The following ATG10 variants were observed in gnomAD, a reference collection of about 807,000 sequenced individuals.
ATG10 encodes the protein autophagy related 10, also known as ubiquitin-like-conjugating enzyme ATG10.
In ATG10, 30 loss-of-function variants were observed where a neutral mutation model predicts 32.1. The ratio of observed to expected loss-of-function variants is 0.94; its 90% CI spans 0.70 to 1.27. The LOEUF (loss-of-function observed/expected upper bound fraction) is 1.27, where lower values mean the gene tolerates loss of function less well. ATG10 is among the 50% of genes most tolerant of loss of function. ATG10 has a pLI of 0.00. For synonymous variants in ATG10, 87 were observed against 91.5 expected (o/e 0.95, Z 0.28); for missense variants, 233 against 262.3 (o/e 0.89, Z 0.77).
At chr5:82,103,975 TGTC>T (rs1278923315) in intron 3 of ATG10, among the ~76,000 whole-genome samples, 2 of 152,192 alleles carry the variant, frequency 1.3e-5, no homozygotes, top group African/African-American at 4.8e-5. Context: ...CTTTCATGTC[TGTC>T]TTCTTTTGTT....
chr5:82,157,932 G>A (rs558343956), intron 3 of ATG10, among the ~76,000 whole-genome samples: 2 of 152,244 alleles, frequency 1.3e-5, no homozygotes, highest in South Asian at 2.1e-4. Context: ...CATTACTTAC[G>A]TTTGCTCAGT....
chr5:82,002,044 A>G (rs77105729), intron 2 of ATG10, among the ~76,000 whole-genome samples: 2 of 152,210 alleles, frequency 1.3e-5, no homozygotes, highest in Non-Finnish European at 2.9e-5. Flanking sequence ...GAAACACTCA[A>G]CATCACTAAT....
intron 3 of ATG10, among the ~76,000 whole-genome samples, chr5:82,063,580 C>T (rs1334394290): frequency 6.6e-6 from 1 of 151,784 alleles, no homozygotes; most frequent in African/African-American, 2.4e-5. Context: ...GCAACCTCTG[C>T]CTCCCAGGTT....
chr5:82,149,477 G>A (rs1767501248), intron 3 of ATG10, among the ~76,000 whole-genome samples: 1 of 151,730 alleles, frequency 6.6e-6, no homozygotes, highest in African/African-American at 2.4e-5. Flanking sequence ...ACTTTCATAT[G>A]GTTATTAACC....
intron 3 of ATG10, among the ~76,000 whole-genome samples, chr5:82,145,300 C>T (rs1767306798): frequency 6.6e-6 from 1 of 151,848 alleles, no homozygotes; most frequent in African/African-American, 2.4e-5. Flanking sequence ...TTTTCTGTTA[C>T]CTTGCTTTTT....
intron 3 of ATG10, among the ~76,000 whole-genome samples, chr5:82,122,892 A>G (rs1442316970): frequency 6.6e-6 from 1 of 152,214 alleles, no homozygotes; most frequent in Non-Finnish European, 1.5e-5. Flanking sequence ...AAAAGGGAAC[A>G]CTTATACACT....
intron 1 of ATG10, among the ~76,000 whole-genome samples, chr5:81,974,949 C>G (rs2149649250): frequency 6.6e-6 from 1 of 152,142 alleles, no homozygotes; most frequent in East Asian, 1.9e-4. Flanking sequence ...CTATATCCTC[C>G]TATAATTCAA....
At chr5:82,010,451 G>A (rs1762099091) in intron 2 of ATG10, among the ~76,000 whole-genome samples, 1 of 152,150 alleles carries the variant, frequency 6.6e-6, no homozygotes, top group Admixed American at 6.5e-5. Context: ...AACATGCTAG[G>A]TGTTCACTTT....
chr5:82,254,196 C>CCTTGG lies in ATG10; in HGVS notation c.*134_*138dup, dbSNP rs1332030705. ...CAAGATGTGACATGGATTATTTTTCCCTTGGACACAAATGTCTACAGCAAC... is the reference window on the plus strand; with the variant it reads ...CAAGATGTGACATGGATTATTTTTCCCTTGGCTTGGACACAAATGTCTACAGCAAC... On this transcript the variant is annotated 3_prime_UTR_variant, in exon 8 of 8. Coordinates refer to ENST00000282185, the MANE Select transcript of ATG10 (RefSeq NM_031482.5). 1 of 152,024 alleles carries CCTTGG rather than the reference C, an allele frequency of 6.6e-6. No homozygotes were observed. The highest frequency in any genetic ancestry group is 1.5e-5 in the Non-Finnish European group (1 of 68,004). The allele number at this position is 152,024 out of a possible 1,614,324, so 9.4% of individuals were successfully genotyped here.
At chr5:82,136,640 T>G (rs1766766050) in intron 3 of ATG10, among the ~76,000 whole-genome samples, 1 of 152,232 alleles carries the variant, frequency 6.6e-6, no homozygotes, top group Non-Finnish European at 1.5e-5. Flanking sequence ...CTGGCTGCCC[T>G]TAACATTTTT....
At chr5:82,162,861 G>A (rs1433839588) in intron 3 of ATG10, among the ~76,000 whole-genome samples, 4 of 151,662 alleles carry the variant, frequency 2.6e-5, no homozygotes, top group Non-Finnish European at 5.9e-5. Flanking sequence ...GTGTGTGTGT[G>A]TCTATGTGTG....
intron 3 of ATG10, among the ~76,000 whole-genome samples, chr5:82,161,221 T>A (rs1383687118): frequency 1.3e-5 from 2 of 152,126 alleles, no homozygotes; most frequent in Non-Finnish European, 2.9e-5. Context: ...CATGCAGAAA[T>A]GTCACTGCAT....
intron 3 of ATG10, among the ~76,000 whole-genome samples, chr5:82,125,749 C>T (rs1003389965): frequency 6.6e-6 from 1 of 151,966 alleles, no homozygotes; most frequent in South Asian, 2.1e-4. Flanking sequence ...ATTGTCTTGG[C>T]TATGAGGGCT....
At chr5:82,024,998 T>C (rs780356796) in intron 2 of ATG10, among the ~76,000 whole-genome samples, 4 of 152,198 alleles carry the variant, frequency 2.6e-5, no homozygotes, top group South Asian at 2.1e-4. Flanking sequence ...GTTGTGTACT[T>C]TTTGAAAGGT....
intron 3 of ATG10, among the ~76,000 whole-genome samples, chr5:82,137,505 TC>T (rs1766812044): frequency 6.6e-6 from 1 of 152,170 alleles, no homozygotes; most frequent in South Asian, 2.1e-4. Flanking sequence ...TTGCTGAGGG[TC>T]CACTCCATAC....
intron 2 of ATG10, among the ~76,000 whole-genome samples, chr5:82,013,240 C>T (rs1361159483): frequency 3.3e-5 from 5 of 152,178 alleles, no homozygotes; most frequent in South Asian, 2.1e-4. Flanking sequence ...GGTGAGCCAC[C>T]GCATCCGGCC....
chr5:82,164,229 C>T (rs1046921666), intron 3 of ATG10, among the ~76,000 whole-genome samples, 170 bp from the exon 4 acceptor site: 9 of 152,018 alleles, frequency 5.9e-5, no homozygotes, highest in Non-Finnish European at 1.3e-4. Context: ...TACTATTTAC[C>T]CAGGACTCAA....
At chr5:82,130,517 C>T (rs1766475808) in intron 3 of ATG10, among the ~76,000 whole-genome samples, 1 of 152,086 alleles carries the variant, frequency 6.6e-6, no homozygotes. Context: ...TTGCCAAGAC[C>T]GTGGGAAGAG....
chr5:82,111,116 A>G (rs796385569), intron 3 of ATG10, among the ~76,000 whole-genome samples: 6 of 151,932 alleles, frequency 3.9e-5, no homozygotes, highest in African/African-American at 1.4e-4. Context: ...TCCCTTTCCT[A>G]TTTCTGTTTG....
Sources: allele counts gnomAD v4.1 joint callset (sites outside exome capture counted in the v4.1 genomes callset), GRCh38; gene constraint gnomAD v4.1.1; transcripts MANE v1.5; gene names NCBI Gene and HGNC (gene_info 2026-07-23, HGNC 2026-07-21).